Variants in CNTN4 observed in about 807,000 individuals in gnomAD.
CNTN4 encodes contactin 4, also known as contactin-4.
CNTN4 carries 77 observed loss-of-function variants against 122.5 expected under a neutral mutation model. The observed-to-expected ratio is 0.63, with a 90% confidence interval of 0.52 to 0.76. The LOEUF is 0.76. Ranked by LOEUF, CNTN4 falls within the 30% of genes least tolerant of loss-of-function variation. The probability of loss-of-function intolerance (pLI) is 0.00; values close to 1 mark genes in which losing one functional copy is unlikely to be tolerated. For missense variants in CNTN4, 1,256 were observed against 1,259.1 expected (o/e 1.00, Z 0.04); for synonymous variants, 512 against 447.0 (o/e 1.15, Z -1.83).
intron 4 of CNTN4, among the ~76,000 whole-genome samples, chr3:2,633,865 G>C (rs2082545726): frequency 1.3e-5 from 2 of 152,106 alleles, no homozygotes; most frequent in South Asian, 4.2e-4. Context: ...GGAAGAAATG[G>C]GATACTGAGA....
intron 4 of CNTN4, among the ~76,000 whole-genome samples, chr3:2,678,107 T>G (rs1055256719): frequency 1.3e-5 from 2 of 152,178 alleles, no homozygotes. Context: ...TTCTTAGTAG[T>G]CCAATCCACA....
At chr3:2,542,641 G>A (rs1350071515) in intron 3 of CNTN4, among the ~76,000 whole-genome samples, 1 of 152,090 alleles carries the variant, frequency 6.6e-6, no homozygotes, top group East Asian at 1.9e-4. Context: ...TTCCAGATTC[G>A]TTTCAGGGTG....
intron 14 of CNTN4, among the ~76,000 whole-genome samples, chr3:3,003,136 C>T (rs1696216297): frequency 6.6e-6 from 1 of 152,200 alleles, no homozygotes; most frequent in African/African-American, 2.4e-5. Flanking sequence ...AGAGAGAAAA[C>T]TGGTTCATTT....
chr3:2,755,971 T>G (rs142554688), intron 6 of CNTN4, among the ~76,000 whole-genome samples: 18 of 152,346 alleles, frequency 1.2e-4, no homozygotes, highest in African/African-American at 3.8e-4. Context: ...TTCTGATCAT[T>G]TTTAAGTTTA....
At chr3:2,752,709 C>T (rs1305674134) in intron 6 of CNTN4, among the ~76,000 whole-genome samples, 3 of 152,026 alleles carry the variant, frequency 2.0e-5, no homozygotes, top group Non-Finnish European at 4.4e-5. Context: ...AGAACTTATC[C>T]CTCCTATCTA....
chr3:2,843,414 T>C (rs1325509699), intron 7 of CNTN4, among the ~76,000 whole-genome samples: 1 of 152,294 alleles, frequency 6.6e-6, no homozygotes, highest in Admixed American at 6.5e-5. Context: ...TCCTAACTGG[T>C]GTCCCTCCTT....
chr3:2,290,447 G>C (rs1242537160), intron 2 of CNTN4, among the ~76,000 whole-genome samples: 1 of 152,148 alleles, frequency 6.6e-6, no homozygotes, highest in Non-Finnish European at 1.5e-5. Context: ...GAAGTACTTA[G>C]TAAGGTCTGT....
chr3:2,479,638 GAGATAAATTA>G (rs1168379916), intron 3 of CNTN4, among the ~76,000 whole-genome samples: 1 of 152,034 alleles, frequency 6.6e-6, no homozygotes, highest in African/African-American at 2.4e-5. Context: ...TGCATGCTAG[GAGATAAATTA>G]CCTGCTGTAG....
intron 5 of CNTN4, among the ~76,000 whole-genome samples, chr3:2,743,667 CAAT>C (rs1174860205): frequency 6.6e-6 from 1 of 152,214 alleles, no homozygotes; most frequent in Non-Finnish European, 1.5e-5. Context: ...TTATGGAGCA[CAAT>C]GAGAGTGTTA....
chr3:2,351,159 T>C lies in CNTN4; in HGVS notation c.-89+11926T>C, dbSNP rs137965665. Among the ~76,000 whole-genome samples, 462 of 152,332 alleles carry C rather than the reference T, an allele frequency of 3.0e-3. 2 individuals are homozygous for C. The highest frequency in any genetic ancestry group is 0.01 in the Middle Eastern group (3 of 294). On this transcript the variant is annotated intron_variant, in intron 3 of 24. Coordinates refer to ENST00000418658, the MANE Select transcript of CNTN4 (RefSeq NM_175607.3). ...ATATGTCTTAGAGAAGTCATAGTTA[T>C]AGTTCTCCATAATTGGAGAACTATA...
rs1365478823 is a variant in CNTN4, at chr3:3,038,786, C to G, written c.2093-147C>G. 5.5e-6 allele frequency: 3 copies of G among 543,862 alleles called. No homozygotes were observed. The East Asian group carries it at 9.6e-5, about 17-fold the overall frequency. The allele number at this position is 543,862 out of a possible 1,614,324, so 33.7% of individuals were successfully genotyped here. A position where few individuals can be genotyped will look rare whatever the true frequency, so the allele number is the denominator to read the frequency against. ...CTTCCTCGAGCGGTCGCCGTGGGCC[C>G]CTTGACAATGCTGTTGCTGATCTCC... On this transcript the variant is annotated intron_variant, in intron 18 of 24. Transcript: ENST00000418658.
At chr3:2,413,513 T>C (rs1301266916) in intron 3 of CNTN4, among the ~76,000 whole-genome samples, 1 of 152,220 alleles carries the variant, frequency 6.6e-6, no homozygotes, top group Non-Finnish European at 1.5e-5. Context: ...CATAGTATTT[T>C]TCTATTCTGA....
chr3:2,292,804 C>G (rs1559421483), intron 2 of CNTN4, among the ~76,000 whole-genome samples: 1 of 152,152 alleles, frequency 6.6e-6, no homozygotes, highest in African/African-American at 2.4e-5. Context: ...TTATTCCATT[C>G]TTTTGTTGAT....
chr3:2,920,130 G>GA (rs1212176259), intron 12 of CNTN4, among the ~76,000 whole-genome samples: 2 of 151,724 alleles, frequency 1.3e-5, no homozygotes, highest in African/African-American at 2.4e-5. Flanking sequence ...ATACCAGCAT[G>GA]TAATACTCAG....
chr3:2,169,643 C>T (rs572798188), intron 2 of CNTN4, among the ~76,000 whole-genome samples: 19 of 151,954 alleles, frequency 1.3e-4, no homozygotes, highest in South Asian at 4.2e-4. Context: ...GTGATCCACC[C>T]GCCTCCGCCT....
intron 4 of CNTN4, among the ~76,000 whole-genome samples, chr3:2,717,790 C>CCAA (rs2149375865): frequency 5.6e-4 from 1 of 1,792 alleles, no homozygotes; most frequent in Non-Finnish European, 8.8e-4. Context: ...TGTAATCACT[C>CCAA]CAATACTTGC....
rs140206344 is a variant in CNTN4 at position 2,545,918 on chromosome 3, C to G, written c.-88-25498C>G. On this transcript the variant is annotated intron_variant, in intron 3 of 24. Transcript: ENST00000418658. ...CAGCTAACAACCTTATGAAAAAATG[C>G]TCAACATCACTAATCATTAGATTAA... 5.2e-3 allele frequency among the ~76,000 whole-genome samples: 798 copies of G among 152,068 alleles called. 28 individuals carry two copies. The highest frequency in any genetic ancestry group is 0.047 in the Admixed American group (716 of 15,256).
intron 7 of CNTN4, among the ~76,000 whole-genome samples, chr3:2,857,770 A>C (rs1487970076): frequency 6.6e-6 from 1 of 152,228 alleles, no homozygotes; most frequent in East Asian, 1.9e-4. Flanking sequence ...ATTTTTGTAG[A>C]GATGTGGTCT....
At position 2,781,969 on chromosome 3, in the gene CNTN4, C is replaced by T. The variant is rs542874405; in HGVS notation, c.358+36272C>T. ...CGATCTCCTGACCTCGTGATCCCCC[C>T]GCCTCGGCCTCCCAAAGTGCTGAGA... On this transcript the variant is annotated intron_variant, in intron 6 of 24. Coordinates refer to ENST00000418658, the MANE Select transcript of CNTN4 (RefSeq NM_175607.3). Among the ~76,000 whole-genome samples the T allele has an allele frequency of 5.3e-5, 8 of 150,800 alleles. No homozygotes were observed. In the South Asian group the frequency reaches 6.3e-4, roughly 12 times the overall value.
Sources: gnomAD v4.1 joint callset for allele counts (sites outside exome capture counted in the v4.1 genomes callset) on GRCh38, gnomAD v4.1.1 for gene constraint, MANE v1.5 for transcripts, NCBI Gene and HGNC (gene_info 2026-07-23, HGNC 2026-07-21) for gene names.